The following ZNF385D variants were observed in gnomAD, a reference collection of about 807,000 sequenced individuals.
ZNF385D encodes the protein zinc finger protein 385D.
A neutral mutation model predicts 35.8 loss-of-function variants in ZNF385D; 15 were observed. That is an observed-to-expected ratio of 0.42 (90% confidence interval 0.28 to 0.64). The LOEUF (loss-of-function observed/expected upper bound fraction) is 0.64, where lower values mean the gene tolerates loss of function less well. Among genes scored for constraint, ZNF385D ranks in the 30% least tolerant of loss-of-function variants. The pLI is 0.23. For synonymous variants in ZNF385D, 212 were observed against 186.8 expected (o/e 1.13, Z -1.10); for missense variants, 474 against 494.6 (o/e 0.96, Z 0.39).
At chr3:22,349,804 A>C (rs746920492) in intron 2 of ZNF385D, among the ~76,000 whole-genome samples, 1 of 152,148 alleles carries the variant, frequency 6.6e-6, no homozygotes, top group Admixed American at 6.5e-5. Context: ...TCAAAAGTAC[A>C]CTGAGAACTA....
rs142420231 is a variant in ZNF385D, at chr3:21,578,416, A to G, written c.166-13732T>C. 1.0e-3 allele frequency among the ~76,000 whole-genome samples: 152 copies of G among 152,272 alleles called. 2 individuals are homozygous for G. Among genetic ancestry groups the G allele is most frequent in the African/African-American group, 3.6e-3 (149 of 41,556 alleles). On this transcript the variant is annotated intron_variant, in intron 2 of 7. Transcript: ENST00000281523. The stretch of plus-strand genomic sequence containing the variant: ...AAATCTTTGCCCAGACCAATGTACT[A>G]AAGTGTTTTCCTATGTTTACTTCTA...
intron 2 of ZNF385D, among the ~76,000 whole-genome samples, chr3:22,343,940 T>A (rs544024918): frequency 8.5e-5 from 13 of 152,048 alleles, no homozygotes; most frequent in Non-Finnish European, 1.9e-4. Context: ...TTAAAAAAAA[T>A]GAACAAGTGA....
chr3:22,030,142 A>G lies in ZNF385D; in HGVS notation c.325+138675T>C, dbSNP rs376436164. On this transcript the variant is annotated intron_variant, in intron 3 of 5. Transcript: ENST00000494108. ...TCAATGCTTCCTGCTCTTGAACATC[A>G]GACTCCAAGTTCTTCAGTTTTGGGA... Among the ~76,000 whole-genome samples the G allele has an allele frequency of 2.7e-5, 4 of 150,782 alleles. No individual in the cohort carries two copies. In the East Asian group the frequency reaches 5.8e-4, roughly 22 times the overall value.
chr3:22,135,989 C>T (rs1245460686), intron 3 of ZNF385D, among the ~76,000 whole-genome samples: 2 of 152,128 alleles, frequency 1.3e-5, no homozygotes. Flanking sequence ...GGGTCACACC[C>T]TTGACATAAA....
At chr3:22,116,866 A>G (rs1253627407) in intron 3 of ZNF385D, among the ~76,000 whole-genome samples, 4 of 152,078 alleles carry the variant, frequency 2.6e-5, no homozygotes, top group African/African-American at 4.8e-5. Context: ...CTGTAACACT[A>G]AAACTTATAA....
At chr3:21,770,369 A>C (rs1404548666) in intron 3 of ZNF385D, among the ~76,000 whole-genome samples, 1 of 152,190 alleles carries the variant, frequency 6.6e-6, no homozygotes, top group Non-Finnish European at 1.5e-5. Flanking sequence ...CAGAATCTAC[A>C]AAGAACTCAA....
chr3:21,563,683 G>C (rs1378446932), intron 3 of ZNF385D, among the ~76,000 whole-genome samples: 4 of 152,148 alleles, frequency 2.6e-5, no homozygotes, highest in Non-Finnish European at 2.9e-5. Context: ...TCTCCACAAA[G>C]TGTATCAACT....
intron 3 of ZNF385D, among the ~76,000 whole-genome samples, chr3:21,771,022 T>C (rs888568150): frequency 1.1e-4 from 16 of 141,034 alleles, no homozygotes; most frequent in African/African-American, 3.7e-4. Flanking sequence ...TTCTCACTCA[T>C]AGGTGGGAAT....
chr3:22,079,917 T>C (rs6785150), intron 3 of ZNF385D, among the ~76,000 whole-genome samples: 31,662 of 151,882 alleles, frequency 0.21, 3,756 homozygotes, highest in Non-Finnish European at 0.26. Flanking sequence ...TGTATGTATA[T>C]GTGTGTACAT....
chr3:21,603,918 A>C (rs1321255529), intron 2 of ZNF385D, among the ~76,000 whole-genome samples: 1 of 152,170 alleles, frequency 6.6e-6, no homozygotes, highest in Non-Finnish European at 1.5e-5. Context: ...GGCTAATGAA[A>C]TAGGAGTAGA....
intron 4 of ZNF385D, among the ~76,000 whole-genome samples, chr3:21,488,582 A>G (rs1268712167): frequency 6.6e-6 from 1 of 152,068 alleles, no homozygotes; most frequent in Non-Finnish European, 1.5e-5. Context: ...TGAAAGCAAA[A>G]TTCTTAATAC....
At chr3:22,258,073 G>T (rs551276283) in intron 2 of ZNF385D, among the ~76,000 whole-genome samples, 1 of 151,760 alleles carries the variant, frequency 6.6e-6, no homozygotes. Flanking sequence ...GGTACAATGA[G>T]ATATAATAGA....
chr3:21,502,556 CATA>C lies in ZNF385D; in HGVS notation c.439+8302_439+8304del, dbSNP rs1706459954. ...ATAGAACCAGCCAAATATCATTCAT[CATA>C]ATTTCCTCATGCACAACAAAGAACA... On this transcript the variant is annotated intron_variant, in intron 4 of 7. Coordinates refer to ENST00000281523, the MANE Select transcript of ZNF385D (RefSeq NM_024697.3). 3.3e-5 allele frequency among the ~76,000 whole-genome samples: 5 copies of C among 152,314 alleles called. No individual in the cohort carries two copies. In the South Asian group the frequency reaches 1.0e-3, roughly 32 times the overall value.
intron 3 of ZNF385D, among the ~76,000 whole-genome samples, chr3:22,164,385 C>T (rs1316402019): frequency 6.6e-6 from 1 of 151,582 alleles, no homozygotes; most frequent in Non-Finnish European, 1.5e-5. Flanking sequence ...TGCGCCACCA[C>T]GTCTAGCTAA....
intron 3 of ZNF385D, among the ~76,000 whole-genome samples, chr3:21,553,176 C>T (rs1271556387): frequency 6.6e-6 from 1 of 152,200 alleles, no homozygotes; most frequent in East Asian, 1.9e-4. Flanking sequence ...CATAACCTTG[C>T]AGACAACCTG....
At position 22,321,160 on chromosome 3, in the gene ZNF385D, CCTT is replaced by C. The variant is rs1396216638; in HGVS notation, c.106+51287_106+51289del. Reference sequence around the variant, plus strand: ...TTACTGCTGATAGTAACACTTATGACCTTGTTTTTTTTTTTTTTTTTTTTTCAT... The same window carrying C: ...TTACTGCTGATAGTAACACTTATGACGTTTTTTTTTTTTTTTTTTTTTCAT... On this transcript the variant is annotated intron_variant, in intron 2 of 5. Transcript: ENST00000494108. Among the ~76,000 whole-genome samples the C allele has an allele frequency of 1.0e-4, 12 of 117,044 alleles. No individual in the cohort carries two copies. The South Asian group carries it at 2.8e-3, about 28-fold the overall frequency. 76.8% of individuals were successfully genotyped at this position (117,044 alleles called of 152,430 possible). A position where few individuals can be genotyped will look rare whatever the true frequency, so the allele number is the denominator to read the frequency against.
intron 3 of ZNF385D, among the ~76,000 whole-genome samples, chr3:22,042,735 A>ACC (rs148890586): frequency 0.016 from 2,401 of 152,230 alleles, 68 homozygotes; most frequent in African/African-American, 0.055. Context: ...CTAAGTAAAC[A>ACC]CTCAGAAATT....
intron 3 of ZNF385D, among the ~76,000 whole-genome samples, chr3:21,854,004 G>C (rs145427856): frequency 6.6e-6 from 1 of 151,902 alleles, no homozygotes; most frequent in African/African-American, 2.4e-5. Context: ...ATACCTTTAG[G>C]TGGTGATTAA....
intron 3 of ZNF385D, among the ~76,000 whole-genome samples, chr3:22,027,432 A>G (rs1697628760): frequency 6.6e-6 from 1 of 152,180 alleles, no homozygotes; most frequent in Admixed American, 6.5e-5. Flanking sequence ...ACAGATAGGG[A>G]TGCTGTTTCA....
Sources: gnomAD v4.1 joint callset for allele counts (sites outside exome capture counted in the v4.1 genomes callset) on GRCh38, gnomAD v4.1.1 for gene constraint, MANE v1.5 for transcripts, NCBI Gene and HGNC (gene_info 2026-07-23, HGNC 2026-07-21) for gene names.